AFF2: variants seen among roughly 807,000 people sequenced by gnomAD.
AFF2 encodes ALF transcription elongation factor 2.
Under a neutral mutation model 76.9 loss-of-function variants are expected in AFF2, and 14 were observed. That is an observed-to-expected ratio of 0.18 (90% CI 0.12 to 0.28). The LOEUF (loss-of-function observed/expected upper bound fraction) is 0.28. AFF2 is among the 10% of genes least tolerant of loss of function. The pLI is 1.00. For synonymous variants in AFF2, 398 were observed against 366.7 expected (o/e 1.09, Z -0.98); for missense variants, 868 against 1,001.1 (o/e 0.87, Z 1.79).
intron 9 of AFF2, among the ~76,000 whole-genome samples, chrX:148,937,322 A>G (rs990845377): frequency 4.5e-5 from 5 of 112,124 alleles, no homozygotes; most frequent in African/African-American, 1.6e-4. Flanking sequence ...ACAACTTTGC[A>G]TGAGAAGAGT....
chrX:148,775,929 A>G (rs1407411419), intron 3 of AFF2, among the ~76,000 whole-genome samples: 2 of 110,288 alleles, frequency 1.8e-5, no homozygotes, highest in Non-Finnish European at 3.8e-5. Flanking sequence ...TCACATAGGT[A>G]TACATGTGCC....
intron 7 of AFF2, among the ~76,000 whole-genome samples, chrX:148,874,327 G>A (rs782110872): frequency 9.8e-5 from 11 of 111,676 alleles, no homozygotes; most frequent in Non-Finnish European, 2.1e-4. Context: ...AATAGTGGAA[G>A]CAGTGGCATT....
At chrX:148,970,265 G>A (rs957739213) in intron 15 of AFF2, among the ~76,000 whole-genome samples, 10 of 112,011 alleles carry the variant, frequency 8.9e-5, no homozygotes, top group African/African-American at 3.2e-4. Context: ...ATAAAAGCTG[G>A]AGAACATTTA....
chrX:148,720,984 C>T (rs1488493739), intron 3 of AFF2, among the ~76,000 whole-genome samples: 2 of 111,428 alleles, frequency 1.8e-5, no homozygotes, highest in Non-Finnish European at 3.8e-5. Flanking sequence ...ATAGATATTA[C>T]CTGAACTTGC....
chrX:148,665,242 T>G (rs2054346291), intron 3 of AFF2, among the ~76,000 whole-genome samples: 1 of 111,992 alleles, frequency 8.9e-6, no homozygotes, highest in African/African-American at 3.2e-5. Flanking sequence ...ATGCTTTCAC[T>G]CAGTGCTCTG....
intron 1 of AFF2, among the ~76,000 whole-genome samples, chrX:148,529,558 G>A (rs2052704952): frequency 8.9e-6 from 1 of 112,140 alleles, no homozygotes; most frequent in African/African-American, 3.2e-5. Context: ...GCTTGAGAAA[G>A]TGATAAATTG....
At chrX:148,663,052 T>G (rs2054324200) in intron 3 of AFF2, among the ~76,000 whole-genome samples, 1 of 112,257 alleles carries the variant, frequency 8.9e-6, no homozygotes, top group African/African-American at 3.2e-5. Flanking sequence ...AAAATACAGT[T>G]GTGGTAATAC....
At chrX:148,674,713 T>C (rs2124482330) in intron 3 of AFF2, among the ~76,000 whole-genome samples, 1 of 112,181 alleles carries the variant, frequency 8.9e-6, no homozygotes, top group Admixed American at 9.4e-5. Flanking sequence ...AGTCTTGGAC[T>C]CAGAATCACA....
At chrX:148,557,345 A>G (rs2053062918) in intron 1 of AFF2, among the ~76,000 whole-genome samples, 1 of 112,289 alleles carries the variant, frequency 8.9e-6, no homozygotes. Flanking sequence ...AAAAATTGTT[A>G]TCACTTACGG....
intron 1 of AFF2, among the ~76,000 whole-genome samples, chrX:148,588,493 G>A (rs782481506): frequency 2.5e-4 from 28 of 112,430 alleles, no homozygotes; most frequent in Non-Finnish European, 4.5e-4. Context: ...ATCATATTGA[G>A]TTTGCGGAGT....
chrX:148,595,641 C>T (rs1461659591), intron 1 of AFF2, among the ~76,000 whole-genome samples: 2 of 112,095 alleles, frequency 1.8e-5, no homozygotes, highest in Non-Finnish European at 3.8e-5. Context: ...CAAAAAGTTG[C>T]TCAGGAAAGG....
rs1423521603 is a variant in AFF2, at chrX:148,997,396, C to G, written c.*6064C>G. The G allele has an allele frequency of 8.9e-6, 1 of 111,841 alleles. No homozygotes were observed. The highest frequency in any genetic ancestry group is 9.4e-5 in the Admixed American group (1 of 10,588). 9.2% of individuals were successfully genotyped at this position (111,841 alleles called of 1,213,427 possible). ...AATAGAAAATCTCAAAGAATTCATT[C>G]TCCTGGTCCTGTGCATCTTCTGCAG... On this transcript the variant is annotated 3_prime_UTR_variant, in exon 21 of 21. Coordinates refer to ENST00000370460, the MANE Select transcript of AFF2 (RefSeq NM_002025.4).
At chrX:148,578,690 G>A (rs782109716) in intron 1 of AFF2, among the ~76,000 whole-genome samples, 19 of 111,890 alleles carry the variant, frequency 1.7e-4, no homozygotes, top group African/African-American at 4.5e-4. Context: ...CTATAGATGC[G>A]TTCTGTTTTG....
At chrX:148,541,918 G>T (rs1267960384) in intron 1 of AFF2, among the ~76,000 whole-genome samples, 3 of 106,901 alleles carry the variant, frequency 2.8e-5, no homozygotes, top group African/African-American at 6.8e-5. Flanking sequence ...AAAATAACCT[G>T]AGGGATGAAG....
intron 8 of AFF2, among the ~76,000 whole-genome samples, chrX:148,900,644 G>C (rs2071344068): frequency 9.0e-6 from 1 of 111,500 alleles, no homozygotes; most frequent in Non-Finnish European, 1.9e-5. Context: ...ATCTGATGGA[G>C]TGAAGTGTGG....
chrX:148,552,528 CAT>C, intron 1 of AFF2, among the ~76,000 whole-genome samples: 1 of 112,183 alleles, frequency 8.9e-6, no homozygotes, highest in Middle Eastern at 4.6e-3. Context: ...GAATCAGACA[CAT>C]GTGTGCATTT....
At chrX:148,502,365 A>AAAAAAGGGT (rs1304186042) in intron 1 of AFF2, among the ~76,000 whole-genome samples, 1 of 112,501 alleles carries the variant, frequency 8.9e-6, no homozygotes, top group Non-Finnish European at 1.9e-5. Flanking sequence ...TTCCTTCTTT[A>AAAAAAGGGT]AAAAAGGGTC....
intron 3 of AFF2, among the ~76,000 whole-genome samples, chrX:148,766,659 T>C (rs1328224344): frequency 9.1e-6 from 1 of 109,811 alleles, no homozygotes; most frequent in African/African-American, 3.3e-5. Flanking sequence ...GTAGGTTGCC[T>C]GTTCACTCTG....
intron 3 of AFF2, among the ~76,000 whole-genome samples, chrX:148,804,810 C>G (rs373874324): frequency 1.8e-4 from 20 of 112,115 alleles, no homozygotes; most frequent in African/African-American, 6.5e-4. Context: ...ATCATAGACT[C>G]ATGAATACAA....
Sources: gnomAD v4.1 joint callset for allele counts (sites outside exome capture counted in the v4.1 genomes callset) on GRCh38, gnomAD v4.1.1 for gene constraint, MANE v1.5 for transcripts, NCBI Gene and HGNC (gene_info 2026-07-23, HGNC 2026-07-21) for gene names.